The following PLPPR5 variants were observed in gnomAD, a reference collection of about 807,000 sequenced individuals.
PLPPR5 encodes phospholipid phosphatase related 5.
In PLPPR5, 16 loss-of-function variants were observed where a neutral mutation model predicts 33.9. The ratio of observed to expected loss-of-function variants is 0.47; its 90% CI spans 0.32 to 0.72. PLPPR5 has a LOEUF of 0.72. Ranked by LOEUF, PLPPR5 falls within the 30% of genes least tolerant of loss-of-function variation. The pLI is 0.03. For missense variants in PLPPR5, 301 were observed against 406.7 expected, an observed-to-expected ratio of 0.74 and a Z score of 2.23; for synonymous variants, 163 against 150.3, an observed-to-expected ratio of 1.08 and a Z score of -0.62.
chr1:98,990,175 C>A (rs182881198), intron 1 of PLPPR5, among the ~76,000 whole-genome samples: 1 of 152,212 alleles, frequency 6.6e-6, no homozygotes, highest in Admixed American at 6.5e-5. Context: ...TTGAGACCAG[C>A]CTGGCCAACA....
At chr1:98,943,671 A>C (rs1299219709) in intron 3 of PLPPR5, among the ~76,000 whole-genome samples, 2 of 152,244 alleles carry the variant, frequency 1.3e-5, no homozygotes, top group Non-Finnish European at 2.9e-5. Flanking sequence ...AAACTCCAAG[A>C]TAATAAATAA....
At chr1:98,990,001 G>T (rs1447606913) in intron 1 of PLPPR5, among the ~76,000 whole-genome samples, 1 of 152,082 alleles carries the variant, frequency 6.6e-6, no homozygotes, top group Non-Finnish European at 1.5e-5. Flanking sequence ...AAAAGTGAAA[G>T]AAAGATGATC....
chr1:98,921,651 C>A (rs1020077196), intron 4 of PLPPR5, among the ~76,000 whole-genome samples: 1 of 152,122 alleles, frequency 6.6e-6, no homozygotes, highest in African/African-American at 2.4e-5. Context: ...TATTGTTCAA[C>A]TTTAAGCATA....
At chr1:98,927,905 T>C (rs1454003686) in intron 3 of PLPPR5, among the ~76,000 whole-genome samples, 3 of 151,844 alleles carry the variant, frequency 2.0e-5, no homozygotes, top group African/African-American at 7.2e-5. Flanking sequence ...TAAAATATAA[T>C]AATAAGACTT....
At chr1:98,913,736 T>C (rs1004592765) in intron 5 of PLPPR5, among the ~76,000 whole-genome samples, 3 of 152,342 alleles carry the variant, frequency 2.0e-5, no homozygotes, top group African/African-American at 7.2e-5. Flanking sequence ...GCTAAGATAT[T>C]GACCAAATGT....
At chr1:98,929,889 C>G (rs1649904793) in intron 3 of PLPPR5, among the ~76,000 whole-genome samples, 1 of 152,080 alleles carries the variant, frequency 6.6e-6, no homozygotes, top group African/African-American at 2.4e-5. Context: ...TTCCATACAC[C>G]AGATAGAAAG....
chr1:98,959,465 AG>A (rs1218980421), intron 1 of PLPPR5, among the ~76,000 whole-genome samples: 1 of 152,220 alleles, frequency 6.6e-6, no homozygotes, highest in African/African-American at 2.4e-5. Context: ...TTCTACAGTT[AG>A]TTTCCTCAGA....
chr1:98,975,896 G>C (rs7414543), intron 1 of PLPPR5, among the ~76,000 whole-genome samples: 13,835 of 151,880 alleles, frequency 0.091, 730 homozygotes, highest in Non-Finnish European at 0.11. Context: ...TGAGATCGTT[G>C]AGGACTTCCT....
At chr1:98,992,431 T>C (rs528053668) in intron 1 of PLPPR5, among the ~76,000 whole-genome samples, 1 of 152,210 alleles carries the variant, frequency 6.6e-6, no homozygotes, top group African/African-American at 2.4e-5. Context: ...GTTGCCAAAC[T>C]AATGACTATG....
intron 1 of PLPPR5, among the ~76,000 whole-genome samples, chr1:99,002,494 T>C (rs1352611511): frequency 1.3e-5 from 2 of 152,216 alleles, no homozygotes; most frequent in Non-Finnish European, 2.9e-5. Flanking sequence ...TTCCTTATTA[T>C]CTGAACCTCA....
chr1:98,915,669 T>C (rs1177605289), intron 4 of PLPPR5, among the ~76,000 whole-genome samples: 1 of 152,184 alleles, frequency 6.6e-6, no homozygotes, highest in African/African-American at 2.4e-5. Context: ...TGACAGAATT[T>C]GAACTAAACC....
In PLPPR5 at chr1:98,892,433, C is replaced by G. The variant is rs983858463; in HGVS notation, c.*639G>C. On this transcript the variant is annotated 3_prime_UTR_variant, in exon 6 of 6. Transcript: ENST00000263177. ...CAGTAAAAATTGGCATTTTCCCCTT[C>G]AAAAGCAGAAGCACCAGTCTTAGAA... The G allele has an allele frequency of 6.6e-6, 1 of 152,372 alleles. No homozygotes were observed. Among genetic ancestry groups the G allele is most frequent in the African/African-American group, 2.4e-5 (1 of 41,394 alleles). The allele number at this position is 152,372 out of a possible 1,614,324, so 9.4% of individuals were successfully genotyped here.
At chr1:98,916,935 A>G (rs1471581) in intron 4 of PLPPR5, among the ~76,000 whole-genome samples, 39,514 of 152,088 alleles carry the variant, frequency 0.26, 5,360 homozygotes, top group Middle Eastern at 0.32. Context: ...GAGTCTATAC[A>G]TTATCAGACA....
intron 1 of PLPPR5, among the ~76,000 whole-genome samples, chr1:98,979,556 A>G (rs763532345): frequency 3.3e-5 from 5 of 152,092 alleles, no homozygotes; most frequent in Non-Finnish European, 5.9e-5. Context: ...GTAAGGTCAG[A>G]TTGTTTGGTT....
intron 3 of PLPPR5, among the ~76,000 whole-genome samples, chr1:98,928,185 A>G: frequency 6.6e-6 from 1 of 152,044 alleles, no homozygotes; most frequent in Non-Finnish European, 1.5e-5. Flanking sequence ...TAAATTTTCA[A>G]TTTACTTGGT....
intron 1 of PLPPR5, among the ~76,000 whole-genome samples, chr1:98,965,960 C>T (rs186180262): frequency 6.6e-6 from 1 of 152,266 alleles, no homozygotes; most frequent in East Asian, 1.9e-4. Flanking sequence ...AAAATGAATC[C>T]ACAGAAGTAC....
intron 1 of PLPPR5, chr1:98,990,847 C>G (rs777513809): frequency 1.3e-5 from 2 of 151,606 alleles, no homozygotes; most frequent in Non-Finnish European, 2.9e-5. Context: ...ACAAGAGTGT[C>G]TAAACTAATT....
intron 4 of PLPPR5, among the ~76,000 whole-genome samples, chr1:98,919,444 G>A (rs560996876): frequency 3.3e-4 from 50 of 152,274 alleles, no homozygotes; most frequent in African/African-American, 1.2e-3. Flanking sequence ...CACACTGCAA[G>A]ATAATTAGAA....
chr1:98,984,083 G>T (rs997522276), intron 1 of PLPPR5, among the ~76,000 whole-genome samples: 4 of 151,884 alleles, frequency 2.6e-5, no homozygotes, highest in African/African-American at 9.7e-5. Flanking sequence ...CTGCTCAAGT[G>T]TATCTCAAAG....
Sources: gnomAD v4.1 joint callset for allele counts (sites outside exome capture counted in the v4.1 genomes callset) on GRCh38, gnomAD v4.1.1 for gene constraint, MANE v1.5 for transcripts, NCBI Gene and HGNC (gene_info 2026-07-23, HGNC 2026-07-21) for gene names.